The following ZBTB25 variants were observed in gnomAD, a reference collection of about 807,000 sequenced individuals.
ZBTB25 encodes the protein zinc finger and BTB domain-containing protein 25.
In ZBTB25, 20 loss-of-function variants were observed where a neutral mutation model predicts 34.2. The observed-to-expected ratio is 0.58, with a 90% CI of 0.41 to 0.85. The LOEUF is 0.85. Ranked by LOEUF, ZBTB25 falls within the 40% of genes least tolerant of loss-of-function variation. ZBTB25 has a pLI of 0.00. For missense variants in ZBTB25, 437 were observed against 521.8 expected, an observed-to-expected ratio of 0.84 and a Z score of 1.58; for synonymous variants, 175 against 186.4, an observed-to-expected ratio of 0.94 and a Z score of 0.50.
chr14:64,465,009 T>G (rs188905406), intron 2 of ZBTB25, among the ~76,000 whole-genome samples: 7 of 152,320 alleles, frequency 4.6e-5, no homozygotes, highest in Non-Finnish European at 5.9e-5. Flanking sequence ...CTGTTTCCAT[T>G]TATATATGTA....
chr14:64,501,482 C>A (rs750706475), intron 1 of ZBTB25, among the ~76,000 whole-genome samples: 7 of 152,184 alleles, frequency 4.6e-5, no homozygotes, highest in Non-Finnish European at 7.4e-5. Context: ...AGTTCACATG[C>A]TATTTGGAAT....
chr14:64,490,604 A>G, intron 1 of ZBTB25, 64 bp from the exon 2 acceptor site: 1 of 1,392,314 alleles, frequency 7.2e-7, no homozygotes. Flanking sequence ...TTTTTTATTA[A>G]TACAAAATTG....
chr14:64,449,785 A>G, intron 2 of ZBTB25: 1 of 816,852 alleles, frequency 1.2e-6, no homozygotes, highest in Non-Finnish European at 2.0e-6. Context: ...TCCCAGCTGT[A>G]GACAGCCTTC....
In ZBTB25 at chr14:64,495,225, T is replaced by A. The variant is rs141331734; in HGVS notation, c.-7-4685A>T. Among the ~76,000 whole-genome samples, 660 of 152,314 alleles carry A rather than the reference T, an allele frequency of 4.3e-3. 14 individuals are homozygous for A. The highest frequency in any genetic ancestry group is 2.7e-3 in the Non-Finnish European group (184 of 68,018). Reference sequence around the variant, plus strand: ...CTTCCAAAGAGTGTTTGTGTTTTTGTTTTTTGCAGACAATTACCTTAGCTG... The same window carrying A: ...CTTCCAAAGAGTGTTTGTGTTTTTGATTTTTGCAGACAATTACCTTAGCTG... On this transcript the variant is annotated intron_variant, in intron 1 of 2. Coordinates refer to ENST00000608382, the MANE Select transcript of ZBTB25 (RefSeq NM_006977.5).
chr14:64,502,390 G>A (rs150545006), intron 1 of ZBTB25, among the ~76,000 whole-genome samples: 1 of 152,256 alleles, frequency 6.6e-6, no homozygotes, highest in African/African-American at 2.4e-5. Context: ...GTTGATGTCC[G>A]ATAACGGATT....
At chr14:64,459,407 T>C (rs1459980270) in intron 2 of ZBTB25, among the ~76,000 whole-genome samples, 2 of 152,170 alleles carry the variant, frequency 1.3e-5, no homozygotes, top group African/African-American at 2.4e-5. Context: ...CAAAGGGTCA[T>C]AGTATAAAAC....
chr14:64,487,767 C>A lies in ZBTB25; in HGVS notation c.464G>T (p.Ser155Ile). The A allele has an allele frequency of 6.2e-7, 1 of 1,614,194 alleles. No individual in the cohort carries two copies. Among genetic ancestry groups the A allele is most frequent in the Non-Finnish European group, 8.5e-7 (1 of 1,180,040 alleles). ...LEVKEAPSSN[S>I]GNRAAVQGDH... ...ACCCTGGACAGCAGCTCTGTTTCCA[C>A]TGTTACTGGAAGGAGCTTCTTTGAC... is the stretch of plus-strand genomic sequence containing the variant. The change falls in exon 3 of 3, where the codon AGT (serine) becomes ATT (isoleucine). Residue 155 changes from serine to isoleucine, a missense_variant. Ser to Ile is a moderately radical substitution (Grantham distance 142). Transcript: ENST00000608382.
intron 2 of ZBTB25, among the ~76,000 whole-genome samples, chr14:64,452,798 C>A (rs1276871641): frequency 1.3e-5 from 2 of 152,202 alleles, no homozygotes; most frequent in African/African-American, 4.8e-5. Context: ...TGTCTTATTT[C>A]ATAAACAGTG....
In ZBTB25 at chr14:64,479,480, AAT is replaced by A. The variant is rs1314218906; in HGVS notation, c.*7441_*7442del. 6.6e-6 allele frequency: 1 copy of A among 152,316 alleles called. No homozygotes were observed. Among genetic ancestry groups the A allele is most frequent in the Non-Finnish European group, 1.5e-5 (1 of 68,098 alleles). 9.4% of individuals were successfully genotyped at this position (152,316 alleles called of 1,614,324 possible). A position where few individuals can be genotyped will look rare whatever the true frequency, so the allele number is the denominator to read the frequency against. The stretch of plus-strand genomic sequence containing the variant: ...AAATGACTGGGCCATGGGCTGCCCC[AAT>A]AGTTAGTCAAACATTATTCTGGGTG... On this transcript the variant is annotated 3_prime_UTR_variant, in exon 3 of 3. Coordinates refer to ENST00000608382, the MANE Select transcript of ZBTB25 (RefSeq NM_006977.5).
intron 2 of ZBTB25, among the ~76,000 whole-genome samples, chr14:64,488,474 C>T (rs1596617966): frequency 6.6e-6 from 1 of 152,136 alleles, no homozygotes; most frequent in East Asian, 1.9e-4. Context: ...TGCCAATGTT[C>T]ACTGCAACAT....
At chr14:64,453,663 A>C in intron 2 of ZBTB25, 2 of 765,736 alleles carry the variant, frequency 2.6e-6, no homozygotes, top group Non-Finnish European at 2.3e-6. Flanking sequence ...TGCCCCTTTT[A>C]GGGACTCTGA....
At chr14:64,456,781 G>C (rs866571002) in intron 2 of ZBTB25, among the ~76,000 whole-genome samples, 10 of 152,182 alleles carry the variant, frequency 6.6e-5, no homozygotes, top group African/African-American at 2.4e-4. Context: ...ATATTGATTG[G>C]TACTCAGAAG....
rs59781851 is a variant in ZBTB25, at chr14:64,489,636, C to T, written c.173+725G>A. On this transcript the variant is annotated intron_variant, in intron 2 of 2. Transcript: ENST00000608382. ...CTGCAACCTTCACCTCATAGGTACA[C>T]GCAATTCTCCTCCCTCAGCCTCCCG... 1.7e-4 allele frequency among the ~76,000 whole-genome samples: 26 copies of T among 151,318 alleles called. No homozygotes were observed. The South Asian group carries it at 2.5e-3, about 15-fold the overall frequency.
chr14:64,490,208 CAA>C (rs61367816), intron 2 of ZBTB25, among the ~76,000 whole-genome samples, 151 bp downstream of exon 2: 89 of 90,830 alleles, frequency 9.8e-4, no homozygotes, highest in African/African-American at 2.5e-3. Flanking sequence ...ACTCTGTCGC[CAA>C]AAAAAAAAAA....
At position 64,469,742 on chromosome 14, in the gene ZBTB25, G is replaced by A. The variant is rs77199571; in HGVS notation, c.174-20104C>T. 5,568 of 1,218,072 alleles carry A rather than the reference G, an allele frequency of 4.6e-3. 27 individuals carry two copies. Among genetic ancestry groups the A allele is most frequent in the Middle Eastern group, 0.015 (55 of 3,588 alleles). 75.5% of individuals were successfully genotyped at this position (1,218,072 alleles called of 1,614,324 possible). A position where few individuals can be genotyped will look rare whatever the true frequency, so the allele number is the denominator to read the frequency against. ...TGAAGAATTCTTTTATACATTTGTG[G>A]CATTTCTTACTCAGTAACAAATGAG... On this transcript the variant is annotated intron_variant, in intron 2 of 2. Transcript: ENST00000555220.
downstream of ZBTB25, chr14:64,474,425 T>C (rs2078702101): frequency 6.0e-6 from 1 of 167,070 alleles, no homozygotes; most frequent in Non-Finnish European, 1.5e-5. Flanking sequence ...TATTAAATAG[T>C]ACTCTGTAGA....
chr14:64,492,005 C>G (rs1178140341), intron 1 of ZBTB25, among the ~76,000 whole-genome samples: 2 of 150,236 alleles, frequency 1.3e-5, no homozygotes, highest in East Asian at 4.0e-4. Context: ...TTAGTCCCAG[C>G]TACTTGGGTG....
In ZBTB25 at chr14:64,487,610, T is replaced by A; in HGVS notation, c.621A>T (p.Arg207Ser). ...GGGAGATCACAGATTCTGGGTCACA[T>A]CTCTCCTGCTTGATGGAAACTGGGG... Reference protein sequence around the residue: ...QKPPVSIKQERCDPESVISQS... With the variant: ...QKPPVSIKQESCDPESVISQS... The change falls in exon 3 of 3, where the codon AGA becomes AGT. Residue 207 changes from arginine (R) to serine (S), a missense_variant. Physicochemically the swap from Arg to Ser is moderately radical, Grantham distance 110 (BLOSUM62 -1). Transcript: ENST00000608382. 1.9e-6 allele frequency: 3 copies of A among 1,606,902 alleles called. No homozygotes were observed. The highest frequency in any genetic ancestry group is 2.2e-5 in the East Asian group (1 of 44,792).
At chr14:64,489,205 GCCACTGCACTTCAGCCTGGGCA>G (rs1208537779) in intron 2 of ZBTB25, among the ~76,000 whole-genome samples, 6 of 152,226 alleles carry the variant, frequency 3.9e-5, no homozygotes, top group Admixed American at 2.6e-4. Flanking sequence ...CTGAGATCAT[GCCACTGCACTTCAGCCTGGGCA>G]CCACTGCACT....
Sources: allele counts gnomAD v4.1 joint callset (sites outside exome capture counted in the v4.1 genomes callset), GRCh38; gene constraint gnomAD v4.1.1; transcripts MANE v1.5; gene names NCBI Gene and HGNC (gene_info 2026-07-23, HGNC 2026-07-21).